RPTOR: variants seen among roughly 807,000 people sequenced by gnomAD.
RPTOR encodes regulatory associated protein of MTOR complex 1, also known as regulatory-associated protein of mTOR.
A neutral mutation model predicts 169.9 loss-of-function variants in RPTOR; 21 were observed. That is an observed-to-expected ratio of 0.12 (90% CI 0.09 to 0.18). The LOEUF (loss-of-function observed/expected upper bound fraction) is 0.18, where lower values mean the gene tolerates loss of function less well. Ranked by LOEUF, RPTOR falls within the 10% of genes least tolerant of loss-of-function variation. The pLI, the probability that RPTOR is intolerant of heterozygous loss-of-function variation, is 1.00. For synonymous variants in RPTOR, 732 were observed against 753.2 expected (o/e 0.97, Z 0.46); for missense variants, 1,133 against 1,855.9 (o/e 0.61, Z 7.16).
At chr17:80,777,957 C>T (rs2066907223) in intron 6 of RPTOR, among the ~76,000 whole-genome samples, 1 of 152,182 alleles carries the variant, frequency 6.6e-6, no homozygotes, top group Non-Finnish European at 1.5e-5. Context: ...TAGCAGGTTT[C>T]TGTGTAGCGA....
rs1216565909 is a variant in RPTOR, at chr17:80,754,129, C to T, written c.774C>T (p.Leu258=). ...AGCTGCTGCCCATGATCCCCGACCTCCCGGCTGACCTATTCACCTCCTGCC... is the reference window on the plus strand; with the variant it reads ...AGCTGCTGCCCATGATCCCCGACCTTCCGGCTGACCTATTCACCTCCTGCC... ...ATELLPMIPD[L]PADLFTSCLT... is the part of the protein sequence containing the mutation. The change falls in exon 6 of 34, where the codon CTC becomes CTT. Residue 258 remains leucine (L), a synonymous_variant. Coordinates refer to ENST00000306801, the MANE Select transcript of RPTOR (RefSeq NM_020761.3). This position sits in a 1 kb window ranked among gnomAD's most constrained non-coding sequence, Gnocchi z 4.2. 6.2e-7 allele frequency: 1 copy of T among 1,613,628 alleles called. No individual in the cohort carries two copies. The highest frequency in any genetic ancestry group is 8.5e-7 in the Non-Finnish European group (1 of 1,180,022).
At chr17:80,858,102 G>C (rs1268998039) in intron 13 of RPTOR, 6 of 591,242 alleles carry the variant, frequency 1.0e-5, no homozygotes, top group Non-Finnish European at 1.8e-5. Context: ...TCACCTACCT[G>C]TCCTGTCCCT....
At chr17:80,839,990 G>A (rs2067609632) in intron 10 of RPTOR, among the ~76,000 whole-genome samples, 1 of 152,158 alleles carries the variant, frequency 6.6e-6, no homozygotes, top group East Asian at 1.9e-4. Context: ...AACTGACGTG[G>A]ACCACACACT....
At chr17:80,962,345 G>A (rs866518299) in intron 31 of RPTOR, 116 bp from the exon 32 acceptor site, 1 of 815,900 alleles carries the variant, frequency 1.2e-6, no homozygotes, top group Middle Eastern at 2.8e-4. Flanking sequence ...CTTTTTCCTT[G>A]AGCAGTGTGT....
chr17:80,767,835 T>C (rs1208341860), intron 6 of RPTOR, among the ~76,000 whole-genome samples: 1 of 145,946 alleles, frequency 6.9e-6, no homozygotes, highest in East Asian at 2.0e-4. Flanking sequence ...TAAGAAAAAG[T>C]GTTACTTGAA....
intron 33 of RPTOR, 32 bp downstream of exon 33, chr17:80,963,089 C>T (rs201511500): frequency 0.086 from 3,459 of 40,284 alleles, 20 homozygotes; most frequent in Non-Finnish European, 0.12. Context: ...GGTCGGGGGT[C>T]GGGGGCTGGG....
At chr17:80,616,228 T>A (rs186530909) in intron 1 of RPTOR, among the ~76,000 whole-genome samples, 127 of 151,940 alleles carry the variant, frequency 8.4e-4, no homozygotes, top group African/African-American at 2.9e-3. Flanking sequence ...AGTAAAGCTG[T>A]GGCCCAGTGT....
intron 3 of RPTOR, among the ~76,000 whole-genome samples, chr17:80,678,841 C>T (rs542806416): frequency 6.6e-6 from 1 of 152,270 alleles, no homozygotes; most frequent in South Asian, 2.1e-4. Flanking sequence ...GGATTGGGGC[C>T]CTCCAGAGAT....
chr17:80,579,853 TCTC>T (rs1437630995), intron 1 of RPTOR, among the ~76,000 whole-genome samples: 2 of 152,212 alleles, frequency 1.3e-5, no homozygotes, highest in East Asian at 1.9e-4. Flanking sequence ...GAGATGAACT[TCTC>T]CTCCTCTTTA....
At chr17:80,717,258 T>A (rs1206045495) in intron 4 of RPTOR, among the ~76,000 whole-genome samples, 3 of 152,298 alleles carry the variant, frequency 2.0e-5, no homozygotes, top group Admixed American at 2.0e-4. Flanking sequence ...TTTCCCAGTC[T>A]TATGTATATT....
rs891648262 is a variant in RPTOR, at chr17:80,812,915, G to A, written c.891-9286G>A. Among the ~76,000 whole-genome samples, 3 of 152,318 alleles carry A rather than the reference G, an allele frequency of 2.0e-5. No homozygotes were observed. The East Asian group carries it at 5.8e-4, about 29-fold the overall frequency. On this transcript the variant is annotated intron_variant, in intron 7 of 33. Coordinates refer to ENST00000306801, the MANE Select transcript of RPTOR (RefSeq NM_020761.3). The stretch of plus-strand genomic sequence containing the variant: ...TTTAGATAATGCCCAGTGGCTGCAC[G>A]TGAGGGTCCGCAGGCACAGAGTTGG...
chr17:80,589,747 G>T (rs1032562206), intron 1 of RPTOR, among the ~76,000 whole-genome samples: 6 of 151,140 alleles, frequency 4.0e-5, no homozygotes, highest in African/African-American at 9.7e-5. Context: ...TTTTCGTTTT[G>T]TTTTTTTTCA....
intron 1 of RPTOR, among the ~76,000 whole-genome samples, chr17:80,577,441 C>T (rs1308607481): frequency 6.6e-6 from 1 of 152,054 alleles, no homozygotes; most frequent in Non-Finnish European, 1.5e-5. Flanking sequence ...CCACACCTGG[C>T]AAGTTTTACA....
intron 1 of RPTOR, among the ~76,000 whole-genome samples, chr17:80,606,331 G>A (rs574160973): frequency 1.5e-5 from 2 of 132,082 alleles, no homozygotes; most frequent in East Asian, 4.6e-4. Flanking sequence ...TTTTTTTTGA[G>A]ACAGGGCTTT....
intron 25 of RPTOR, among the ~76,000 whole-genome samples, chr17:80,940,945 G>A (rs1354443903): frequency 6.6e-6 from 1 of 152,238 alleles, no homozygotes; most frequent in Non-Finnish European, 1.5e-5. Context: ...TGGAACTCAT[G>A]GAGGCGGAAC....
intron 5 of RPTOR, among the ~76,000 whole-genome samples, chr17:80,733,661 T>C (rs1160722257): frequency 6.6e-6 from 1 of 151,948 alleles, no homozygotes; most frequent in Non-Finnish European, 1.5e-5. Context: ...AGAAACGATG[T>C]GGAAGCCTGT....
chr17:80,782,472 T>C (rs905020876), intron 6 of RPTOR, among the ~76,000 whole-genome samples: 5 of 152,264 alleles, frequency 3.3e-5, no homozygotes, highest in Admixed American at 2.6e-4. Flanking sequence ...AGAATAAGAA[T>C]AGGTGAGGAC....
Position 80,820,929 on chromosome 17 carries a change from G to A in RPTOR, c.891-1272G>A, listed in dbSNP as rs1356361723. Among the ~76,000 whole-genome samples, 2 of 152,190 alleles carry A rather than the reference G, an allele frequency of 1.3e-5. No individual in the cohort carries two copies. Among genetic ancestry groups the A allele is most frequent in the Admixed American group, 6.5e-5 (1 of 15,292 alleles). ...TAAACTGGTCTCCACTGTGGAGGTC[G>A]AAATTTTTCTTGAATTTGGAAATCT... On this transcript the variant is annotated intron_variant, in intron 7 of 33. Transcript: ENST00000306801. The surrounding 1 kb of genome is among the most constrained non-coding windows in gnomAD (Gnocchi z 4.1).
At chr17:80,616,789 C>G (rs1012933196) in intron 1 of RPTOR, among the ~76,000 whole-genome samples, 1 of 152,068 alleles carries the variant, frequency 6.6e-6, no homozygotes, top group East Asian at 1.9e-4. Flanking sequence ...GAGCCCTTTG[C>G]TATACTTACT....
Sources: gnomAD v4.1 joint callset for allele counts (sites outside exome capture counted in the v4.1 genomes callset) on GRCh38, gnomAD v4.1.1 for gene constraint, Gnocchi (gnomAD v3.1) non-coding constraint, MANE v1.5 for transcripts, NCBI Gene and HGNC (gene_info 2026-07-23, HGNC 2026-07-21) for gene names.